The following FAM135A variants were observed in gnomAD, a reference collection of about 807,000 sequenced individuals.
The protein encoded by FAM135A is family with sequence similarity 135 member A.
In FAM135A, 79 loss-of-function variants were observed where a neutral mutation model predicts 146.8. The ratio of observed to expected loss-of-function variants is 0.54; its 90% CI spans 0.45 to 0.65. FAM135A has a LOEUF of 0.65. Ranked by LOEUF, FAM135A falls within the 30% of genes least tolerant of loss-of-function variation. The pLI is 0.00. For missense variants in FAM135A, 1,623 were observed against 1,758.2 expected (o/e 0.92, Z 1.38); for synonymous variants, 562 against 603.6 (o/e 0.93, Z 1.01).
intron 12 of FAM135A, chr6:70,513,485 A>T (rs543219834): frequency 5.9e-4 from 89 of 149,974 alleles, no homozygotes; most frequent in African/African-American, 2.1e-3. Flanking sequence ...AACCATATTG[A>T]TTCGGACAAT....
intron 12 of FAM135A, among the ~76,000 whole-genome samples, chr6:70,521,139 A>G (rs1793489932): frequency 6.6e-6 from 1 of 151,712 alleles, no homozygotes; most frequent in Non-Finnish European, 1.5e-5. Flanking sequence ...TTGAGTTTTT[A>G]TGTGGTTTAA....
At chr6:70,456,639 AT>A (rs1459410070) in intron 5 of FAM135A, among the ~76,000 whole-genome samples, 1 of 152,194 alleles carries the variant, frequency 6.6e-6, no homozygotes, top group East Asian at 1.9e-4. Context: ...GTGTCACAAT[AT>A]TTAATTTGGT....
intron 10 of FAM135A, chr6:70,486,116 T>C (rs1335004254): frequency 3.3e-6 from 5 of 1,520,630 alleles, no homozygotes. Flanking sequence ...TAGTAAGTTT[T>C]GTTGTGAAAG....
chr6:70,509,244 G>T (rs191454358), intron 12 of FAM135A, among the ~76,000 whole-genome samples: 2 of 152,018 alleles, frequency 1.3e-5, no homozygotes, highest in Non-Finnish European at 2.9e-5. Flanking sequence ...AACCAGCCTG[G>T]GCAACATAGT....
intron 10 of FAM135A, 102 bp downstream of exon 10, chr6:70,482,256 ACAG>A: frequency 1.7e-6 from 2 of 1,182,828 alleles, no homozygotes; most frequent in Non-Finnish European, 2.3e-6. Flanking sequence ...TACTAAAACT[ACAG>A]TGTTTGTGTG....
At position 70,538,351 on chromosome 6, in the gene FAM135A, A is replaced by G; in HGVS notation, c.4178A>G (p.Asp1393Gly). 6.5e-7 allele frequency: 1 copy of G among 1,532,848 alleles called. No individual in the cohort carries two copies. The highest frequency in any genetic ancestry group is 8.8e-7 in the Non-Finnish European group (1 of 1,133,660). 95.0% of individuals were successfully genotyped at this position (1,532,848 alleles called of 1,614,324 possible). A position where few individuals can be genotyped will look rare whatever the true frequency, so the allele number is the denominator to read the frequency against. ...TCGCTTTTGCAGCTGACATGTCGAG[A>G]TCACTCAGACCCTCGCCAAACTTTT... ...SGSLLQLTCR[D>G]HSDPRQTFLY... Residue 1393 changes from aspartate (D) to glycine (G), a missense_variant, in exon 20 of 22, where the codon GAT becomes GGT. By Grantham distance (94) the Asp-to-Gly change is moderately conservative. This residue lies in a region of FAM135A where 138 missense variants were observed against 174.1 expected (regional missense o/e 0.79). Coordinates refer to ENST00000418814, the MANE Select transcript of FAM135A (RefSeq NM_001162529.3).
intron 4 of FAM135A, among the ~76,000 whole-genome samples, chr6:70,449,166 A>G (rs769030913): frequency 6.6e-6 from 1 of 152,196 alleles, no homozygotes; most frequent in Non-Finnish European, 1.5e-5. Flanking sequence ...AAAGTTGTAT[A>G]TATGGAGTAC....
chr6:70,421,283 C>T (rs1219922521), intron 2 of FAM135A, among the ~76,000 whole-genome samples: 3 of 152,048 alleles, frequency 2.0e-5, no homozygotes, highest in South Asian at 4.1e-4. Flanking sequence ...ATATTTTACA[C>T]TGCTTCTGTG....
chr6:70,455,797 G>A (rs532270678), intron 5 of FAM135A, among the ~76,000 whole-genome samples: 3 of 150,602 alleles, frequency 2.0e-5, no homozygotes, highest in Admixed American at 1.3e-4. Context: ...AAATTTTAAA[G>A]ATATGTTTGT....
At chr6:70,489,305 G>T (rs1364591911) in intron 10 of FAM135A, among the ~76,000 whole-genome samples, 2 of 152,112 alleles carry the variant, frequency 1.3e-5, no homozygotes, top group African/African-American at 2.4e-5. Flanking sequence ...ACAGTGAAAT[G>T]ATTTGTGAAA....
chr6:70,491,551 A>G (rs1437858096), intron 11 of FAM135A, among the ~76,000 whole-genome samples: 1 of 151,920 alleles, frequency 6.6e-6, no homozygotes, highest in African/African-American at 2.4e-5. Context: ...ATTTAAATGT[A>G]TGTTTCACTA....
chr6:70,534,222 G>A (rs1343315177), intron 18 of FAM135A, among the ~76,000 whole-genome samples: 1 of 147,146 alleles, frequency 6.8e-6, no homozygotes, highest in Non-Finnish European at 1.5e-5. Context: ...AGTGGAAGAA[G>A]TATAGGCTCT....
intron 10 of FAM135A, among the ~76,000 whole-genome samples, chr6:70,485,791 G>T (rs1320886154): frequency 1.3e-5 from 2 of 151,978 alleles, no homozygotes; most frequent in Non-Finnish European, 2.9e-5. Flanking sequence ...TTGGTTTGGT[G>T]CAGGGAGCTC....
intron 10 of FAM135A, among the ~76,000 whole-genome samples, chr6:70,487,148 G>C (rs1367429213): frequency 1.3e-5 from 2 of 149,252 alleles, no homozygotes; most frequent in African/African-American, 4.9e-5. Flanking sequence ...TATCCTATCA[G>C]GATCTGGGTT....
At chr6:70,485,824 G>T (rs1784515909) in intron 10 of FAM135A, among the ~76,000 whole-genome samples, 1 of 152,080 alleles carries the variant, frequency 6.6e-6, no homozygotes, top group Non-Finnish European at 1.5e-5. Flanking sequence ...AGAGTCAGGA[G>T]TTCTGGAATT....
At chr6:70,455,197 A>C (rs1010414183) in intron 5 of FAM135A, among the ~76,000 whole-genome samples, 1 of 152,124 alleles carries the variant, frequency 6.6e-6, no homozygotes, top group African/African-American at 2.4e-5. Context: ...AGCAATTGTG[A>C]ATGGGAGTTC....
intron 4 of FAM135A, among the ~76,000 whole-genome samples, chr6:70,431,652 A>G (rs1771668965): frequency 6.6e-6 from 1 of 152,224 alleles, no homozygotes; most frequent in African/African-American, 2.4e-5. Context: ...GAATATAAGG[A>G]AGAGCAAAAT....
At chr6:70,519,437 A>G (rs1156590017) in intron 12 of FAM135A, among the ~76,000 whole-genome samples, 1 of 152,242 alleles carries the variant, frequency 6.6e-6, no homozygotes, top group East Asian at 1.9e-4. Context: ...GCGAGTCAAG[A>G]GGATTGACTC....
rs555256362 is a variant in FAM135A at position 70,482,243 on chromosome 6, C to A, written c.823+89C>A. The A allele has an allele frequency of 1.3e-4, 166 of 1,325,836 alleles. 1 individual carries two copies. The East Asian group carries it at 3.1e-3, about 24-fold the overall frequency. 82.1% of individuals were successfully genotyped at this position (1,325,836 alleles called of 1,614,324 possible). A position where few individuals can be genotyped will look rare whatever the true frequency, so the allele number is the denominator to read the frequency against. On this transcript the variant is annotated intron_variant, in intron 10 of 21. Transcript: ENST00000418814. Reference sequence around the variant, plus strand: ...AGCTATCAGCTTTGCCATAGTTTTTCTATACTAAAACTACAGTGTTTGTGT... The same window carrying A: ...AGCTATCAGCTTTGCCATAGTTTTTATATACTAAAACTACAGTGTTTGTGT...
Sources: allele counts gnomAD v4.1 joint callset (sites outside exome capture counted in the v4.1 genomes callset), GRCh38; gene constraint gnomAD v4.1.1; regional missense constraint gnomAD v4.1.1; transcripts MANE v1.5; gene names NCBI Gene and HGNC (gene_info 2026-07-23, HGNC 2026-07-21).